P2RY12: variants seen among roughly 807,000 people sequenced by gnomAD.
The protein encoded by P2RY12 is purinergic receptor P2Y12.
P2RY12 carries 3 observed loss-of-function variants against 4.5 expected under a neutral mutation model. The ratio of observed to expected loss-of-function variants is 0.67; its 90% CI spans 0.31 to 1.74. The LOEUF is 1.74. Among genes scored for constraint, P2RY12 ranks in the 40% most tolerant of loss-of-function variants. P2RY12 has a pLI of 0.09. For missense variants in P2RY12, 356 were observed against 407.8 expected, an observed-to-expected ratio of 0.87 and a Z score of 1.09; for synonymous variants, 148 against 154.1, an observed-to-expected ratio of 0.96 and a Z score of 0.29.
At chr3:151,347,323 C>T (rs1752663376) in intron 1 of P2RY12, among the ~76,000 whole-genome samples, 1 of 152,044 alleles carries the variant, frequency 6.6e-6, no homozygotes, top group Non-Finnish European at 1.5e-5. Context: ...GTATGTTCAA[C>T]AAATATTAGA....
At chr3:151,378,249 T>TCA in intron 1 of P2RY12, 1 of 1,383,594 alleles carries the variant, frequency 7.2e-7, no homozygotes, top group Non-Finnish European at 9.7e-7. Context: ...TAAACCTGTG[T>TCA]GGTCACTGTA....
At chr3:151,365,128 G>A in intron 1 of P2RY12, 2 of 1,614,092 alleles carry the variant, frequency 1.2e-6, no homozygotes, top group Non-Finnish European at 1.7e-6. Context: ...AAGATCCTCA[G>A]TGACAATGCG....
chr3:151,365,651 C>T (rs1457739065), intron 1 of P2RY12, among the ~76,000 whole-genome samples: 3 of 152,160 alleles, frequency 2.0e-5, no homozygotes, highest in African/African-American at 4.8e-5. Flanking sequence ...TGCTTAACAG[C>T]ATTGTCAAAA....
chr3:151,372,831 C>G (rs527860062), intron 1 of P2RY12: 3 of 1,311,096 alleles, frequency 2.3e-6, no homozygotes, highest in Non-Finnish European at 3.2e-6. Context: ...GAGCTACTTA[C>G]ACTTATAGGA....
In P2RY12 at chr3:151,360,769, TAGAC is replaced by T. The variant is rs539303348; in HGVS notation, c.-179-20013_-179-20010del. On this transcript the variant is annotated intron_variant, in intron 1 of 2. Coordinates refer to ENST00000302632, the MANE Select transcript of P2RY12 (RefSeq NM_022788.5). ...GATTTGTTTAAACTGAATATTAAAA[TAGAC>T]AGGGACAATACACGATAGTCTATTA... Among the ~76,000 whole-genome samples the T allele has an allele frequency of 1.5e-4, 23 of 152,264 alleles. No homozygotes were observed. In the East Asian group the frequency reaches 1.5e-3, roughly 10 times the overall value.
intron 1 of P2RY12, among the ~76,000 whole-genome samples, chr3:151,381,159 A>G (rs1296249081): frequency 6.6e-6 from 1 of 152,206 alleles, no homozygotes; most frequent in East Asian, 1.9e-4. Flanking sequence ...GAGGTGTTTT[A>G]TCCTGATACA....
At chr3:151,339,388 A>C (rs1204476236) in intron 2 of P2RY12, among the ~76,000 whole-genome samples, 3 of 151,860 alleles carry the variant, frequency 2.0e-5, no homozygotes, top group African/African-American at 7.3e-5. Flanking sequence ...AAATTGATGG[A>C]AAATTACTCT....
At chr3:151,368,304 C>G in intron 1 of P2RY12, 1 of 1,482,044 alleles carries the variant, frequency 6.7e-7, no homozygotes, top group Non-Finnish European at 9.4e-7. Context: ...GCTAAAGTTT[C>G]TAAAATGACC....
chr3:151,380,294 T>C (rs1712019987), intron 1 of P2RY12: 2 of 1,073,066 alleles, frequency 1.9e-6, no homozygotes, highest in East Asian at 5.2e-5. Context: ...GCCTTTCAAA[T>C]ACTGAGATTA....
At chr3:151,358,238 A>T (rs1167247540) in intron 1 of P2RY12, among the ~76,000 whole-genome samples, 1 of 152,174 alleles carries the variant, frequency 6.6e-6, no homozygotes, top group East Asian at 1.9e-4. Context: ...TATGAAATGA[A>T]ATCTGAAACA....
At chr3:151,338,949 C>T (rs1309296337) in intron 2 of P2RY12, 90 bp from the exon 3 acceptor site, 1 of 1,138,038 alleles carries the variant, frequency 8.8e-7, no homozygotes, top group Non-Finnish European at 1.3e-6. Flanking sequence ...GACACAGCCT[C>T]CTCTAAAAGT....
chr3:151,362,515 C>T (rs532657821), intron 1 of P2RY12, among the ~76,000 whole-genome samples: 4 of 152,090 alleles, frequency 2.6e-5, no homozygotes, highest in Admixed American at 6.6e-5. Context: ...ACGACTGTCT[C>T]CCTGAGCACA....
At chr3:151,373,687 G>A (rs1171405837) in intron 1 of P2RY12, among the ~76,000 whole-genome samples, 2 of 151,810 alleles carry the variant, frequency 1.3e-5, no homozygotes, top group African/African-American at 4.8e-5. Flanking sequence ...ACTGTACTTA[G>A]TTATTTTCAT....
chr3:151,367,308 A>G (rs1755406110), intron 1 of P2RY12, among the ~76,000 whole-genome samples: 1 of 152,174 alleles, frequency 6.6e-6, no homozygotes, highest in African/African-American at 2.4e-5. Context: ...CTTAAATGGT[A>G]TATCTTGTTG....
At chr3:151,373,497 T>C (rs376579308) in intron 1 of P2RY12, among the ~76,000 whole-genome samples, 1 of 151,882 alleles carries the variant, frequency 6.6e-6, no homozygotes, top group East Asian at 1.9e-4. Context: ...CCCCCACCCC[T>C]CATAAGCATT....
Position 151,337,624 on chromosome 3 carries a change from A to T in P2RY12, c.*193T>A, listed in dbSNP as rs1178392464. 3 of 604,290 alleles carry T rather than the reference A, an allele frequency of 5.0e-6. No homozygotes were observed. The African/African-American group carries it at 5.6e-5, about 11-fold the overall frequency. 37.4% of individuals were successfully genotyped at this position (604,290 alleles called of 1,614,324 possible). The stretch of plus-strand genomic sequence containing the variant: ...TGCTGCTAATACAGCTACAGTTTAG[A>T]TTAGTTTTCTATATTTTAAGATAGC... On this transcript the variant is annotated 3_prime_UTR_variant, in exon 3 of 3. Transcript: ENST00000302632.
chr3:151,360,624 A>G (rs755185709), intron 1 of P2RY12: 66 of 1,602,868 alleles, frequency 4.1e-5, no homozygotes, highest in Non-Finnish European at 5.5e-5. Flanking sequence ...AAGAGACTCA[A>G]AAGGACAGAA....
intron 1 of P2RY12, among the ~76,000 whole-genome samples, chr3:151,346,465 C>A (rs373231688): frequency 6.6e-6 from 1 of 152,112 alleles, no homozygotes; most frequent in Non-Finnish European, 1.5e-5. Flanking sequence ...TTACTTTAAC[C>A]GCTTGTTTCT....
intron 1 of P2RY12, chr3:151,383,920 T>C (rs1405863110): frequency 6.4e-7 from 1 of 1,572,372 alleles, no homozygotes; most frequent in African/African-American, 1.3e-5. Context: ...TTGATTTTGC[T>C]ACATGTATGC....
Sources: gnomAD v4.1 joint callset for allele counts (sites outside exome capture counted in the v4.1 genomes callset) on GRCh38, gnomAD v4.1.1 for gene constraint, MANE v1.5 for transcripts, NCBI Gene and HGNC (gene_info 2026-07-23, HGNC 2026-07-21) for gene names.